The following ZNF723 variants were observed in gnomAD, a reference collection of about 807,000 sequenced individuals.
ZNF723 encodes zinc finger protein 723, pseudogene.
Under a neutral mutation model 9.4 loss-of-function variants are expected in ZNF723, and 5 were observed. That is an observed-to-expected ratio of 0.53 (90% CI 0.28 to 1.12). The LOEUF (loss-of-function observed/expected upper bound fraction) is 1.12, where lower values mean the gene tolerates loss of function less well. Ranked by LOEUF, ZNF723 falls within the 50% of genes most tolerant of loss-of-function variation. The probability of loss-of-function intolerance (pLI) is 0.10; values close to 1 mark genes in which losing one functional copy is unlikely to be tolerated. For synonymous variants in ZNF723, 158 were observed against 168.8 expected, an observed-to-expected ratio of 0.94 and a Z score of 0.49; for missense variants, 450 against 501.5, an observed-to-expected ratio of 0.90 and a Z score of 0.98.
chr19:22,845,291 G>T (rs1022282208), intron 1 of ZNF723, among the ~76,000 whole-genome samples: 7 of 152,150 alleles, frequency 4.6e-5, no homozygotes, highest in Non-Finnish European at 8.8e-5. Context: ...AGTTATTACA[G>T]TTTCTGCCAT....
the ZNF723 span, among the ~76,000 whole-genome samples, chr19:22,816,957 G>A: frequency 1.3e-5 from 2 of 152,332 alleles, no homozygotes; most frequent in Non-Finnish European, 1.5e-5. Context: ...CATAACTGCT[G>A]TAACCAGCAC....
intron 1 of ZNF723, among the ~76,000 whole-genome samples, chr19:22,833,723 C>T (rs1224594863): frequency 3.3e-5 from 5 of 151,716 alleles, no homozygotes; most frequent in Non-Finnish European, 7.4e-5. Context: ...GATTCTCCTG[C>T]CTCAGCCTCC....
chr19:22,831,562 A>G (rs1009949586), upstream of ZNF723, among the ~76,000 whole-genome samples: 1 of 151,930 alleles, frequency 6.6e-6, no homozygotes, highest in Non-Finnish European at 1.5e-5. Context: ...GTATCAAAAA[A>G]AAAAAATTAA....
chr19:22,846,999 T>C (rs983646467), intron 1 of ZNF723, among the ~76,000 whole-genome samples: 7 of 151,624 alleles, frequency 4.6e-5, no homozygotes, highest in African/African-American at 1.7e-4. Context: ...CTGCTGTTGA[T>C]GTTTATGATT....
the ZNF723 span, among the ~76,000 whole-genome samples, chr19:22,825,804 C>T: frequency 2.0e-5 from 3 of 152,188 alleles, no homozygotes; most frequent in Non-Finnish European, 4.4e-5. Flanking sequence ...ACTGCAGTGC[C>T]CAACATTATG....
At chr19:22,812,703 A>T in the ZNF723 span, among the ~76,000 whole-genome samples, 9 of 152,182 alleles carry the variant, frequency 5.9e-5, no homozygotes, top group African/African-American at 2.2e-4. Context: ...TTTGACATGA[A>T]CACAGCCCAC....
the ZNF723 span, among the ~76,000 whole-genome samples, chr19:22,817,465 A>G: frequency 2.0e-5 from 3 of 152,058 alleles, no homozygotes; most frequent in Non-Finnish European, 4.4e-5. Context: ...AAAGATTATG[A>G]CATATCACTG....
chr19:22,851,682 T>G (rs1039842578), intron 3 of ZNF723, among the ~76,000 whole-genome samples: 1 of 152,176 alleles, frequency 6.6e-6, no homozygotes, highest in African/African-American at 2.4e-5. Context: ...TAGCATTTGT[T>G]ATAGGACTGT....
chr19:22,839,594 C>T (rs1568404027), intron 1 of ZNF723, among the ~76,000 whole-genome samples: 1 of 151,856 alleles, frequency 6.6e-6, no homozygotes, highest in Non-Finnish European at 1.5e-5. Flanking sequence ...ATGTCTCAGC[C>T]TCCTGAACAG....
upstream of ZNF723, chr19:22,832,249 G>C: frequency 4.0e-6 from 4 of 1,008,744 alleles, no homozygotes; most frequent in Non-Finnish European, 5.7e-6. Context: ...AATCAGACCC[G>C]CAGCTAGAGC....
At chr19:22,820,378 C>T in the ZNF723 span, among the ~76,000 whole-genome samples, 4 of 152,150 alleles carry the variant, frequency 2.6e-5, no homozygotes. Context: ...CTGCCTGTGC[C>T]CTGCTTTCAT....
the ZNF723 span, among the ~76,000 whole-genome samples, chr19:22,826,378 GC>G: frequency 6.6e-6 from 1 of 152,196 alleles, no homozygotes; most frequent in Non-Finnish European, 1.5e-5. Context: ...AACTTTCATA[GC>G]CAACATTAGG....
At chr19:22,822,291 T>C in the ZNF723 span, among the ~76,000 whole-genome samples, 5 of 152,322 alleles carry the variant, frequency 3.3e-5, no homozygotes, top group South Asian at 1.0e-3. Context: ...GCAGATGCAG[T>C]TCACAGTTAA....
the ZNF723 span, among the ~76,000 whole-genome samples, chr19:22,825,716 C>T: frequency 1.1e-4 from 17 of 152,218 alleles, no homozygotes; most frequent in Non-Finnish European, 2.2e-4. Context: ...GGGATGGTGA[C>T]ATATCACTGG....
the ZNF723 span, among the ~76,000 whole-genome samples, chr19:22,815,940 C>T: frequency 6.6e-6 from 1 of 152,196 alleles, no homozygotes; most frequent in Non-Finnish European, 1.5e-5. Context: ...TGACACAGCC[C>T]ACAGTTCAGA....
rs554056171 is a variant in ZNF723, at chr19:22,842,493, A to ATC, written c.4-5759_4-5758dup. On this transcript the variant is annotated intron_variant, in intron 1 of 3. Transcript: ENST00000600766. The stretch of plus-strand genomic sequence containing the variant: ...TCTGGTAAACAACTTTGTATCAGCC[A>ATC]TCTCTCTCTCCCTCTCTTTTTGCCT... Among the ~76,000 whole-genome samples the ATC allele has an allele frequency of 1.4e-4, 21 of 152,248 alleles. No individual in the cohort carries two copies. In the East Asian group the frequency reaches 4.1e-3, roughly 29 times the overall value.
chr19:22,822,887 A>G, the ZNF723 span, among the ~76,000 whole-genome samples: 2 of 152,194 alleles, frequency 1.3e-5, no homozygotes, highest in Non-Finnish European at 2.9e-5. Flanking sequence ...TGTGATTCTC[A>G]TAGGCATACC....
At chr19:22,834,952 G>A (rs776842424) in intron 1 of ZNF723, among the ~76,000 whole-genome samples, 15 of 152,142 alleles carry the variant, frequency 9.9e-5, no homozygotes, top group Non-Finnish European at 2.2e-4. Context: ...TCCTCAGAGG[G>A]GGTCATTGAG....
chr19:22,833,909 A>G (rs1318128621), intron 1 of ZNF723, among the ~76,000 whole-genome samples: 2 of 102,390 alleles, frequency 2.0e-5, no homozygotes, highest in Non-Finnish European at 4.0e-5. Context: ...CCCGGCCGCT[A>G]TTTGTTTTTT....
Sources: allele counts gnomAD v4.1 joint callset (sites outside exome capture counted in the v4.1 genomes callset), GRCh38; gene constraint gnomAD v4.1.1; transcripts MANE v1.5; gene names NCBI Gene and HGNC (gene_info 2026-07-23, HGNC 2026-07-21).